Variants in VCL observed in about 807,000 individuals in gnomAD.
VCL encodes the protein epididymis luminal protein 114.
In VCL, 47 loss-of-function variants were observed where a neutral mutation model predicts 125.7. That is an observed-to-expected ratio of 0.37 (90% CI 0.30 to 0.48). The LOEUF is 0.48. VCL is among the 20% of genes least tolerant of loss of function. The probability of loss-of-function intolerance (pLI) is 0.99; values close to 1 mark genes in which losing one functional copy is unlikely to be tolerated. For synonymous variants in VCL, 458 were observed against 514.6 expected (o/e 0.89, Z 1.49); for missense variants, 1,069 against 1,455.5 (o/e 0.73, Z 4.32).
intron 1 of VCL, chr10:74,027,901 A>G (rs1326909931): frequency 6.6e-6 from 1 of 152,210 alleles, no homozygotes; most frequent in Non-Finnish European, 1.5e-5. Flanking sequence ...CTATGAGGGA[A>G]AAAAACAGTC....
intron 8 of VCL, 58 bp from the exon 9 acceptor site, chr10:74,089,138 T>C: frequency 1.2e-6 from 2 of 1,610,664 alleles, no homozygotes; most frequent in Non-Finnish European, 8.5e-7. Context: ...CTATTGGGAA[T>C]ATTTTGTCAT....
intron 10 of VCL, among the ~76,000 whole-genome samples, chr10:74,094,020 G>A (rs527948637): frequency 6.0e-4 from 92 of 152,168 alleles, no homozygotes; most frequent in Non-Finnish European, 1.2e-3. Context: ...ATTGAGCTCC[G>A]CTAACCAAAT....
At chr10:74,044,331 G>A (rs1408617204) in intron 2 of VCL, among the ~76,000 whole-genome samples, 1 of 152,014 alleles carries the variant, frequency 6.6e-6, no homozygotes, top group East Asian at 1.9e-4. Context: ...GTAAGCAAAA[G>A]TAAAAGCTGA....
intron 8 of VCL, among the ~76,000 whole-genome samples, chr10:74,087,876 C>T (rs1024708580): frequency 3.9e-5 from 6 of 151,970 alleles, no homozygotes; most frequent in African/African-American, 4.8e-5. Context: ...CTCGGGAGGC[C>T]GAGGCAGGAG....
intron 1 of VCL, among the ~76,000 whole-genome samples, chr10:74,042,656 C>T (rs1841116708): frequency 6.6e-6 from 1 of 152,162 alleles, no homozygotes; most frequent in African/African-American, 2.4e-5. Flanking sequence ...ATCATAATAG[C>T]TTCAAATATT....
intron 6 of VCL, chr10:74,076,232 C>G (rs1030782409): frequency 6.6e-6 from 1 of 152,498 alleles, no homozygotes; most frequent in African/African-American, 2.4e-5. Context: ...CTTGAATGTG[C>G]GTCAGAATGT....
At chr10:74,033,605 G>T (rs1840921394) in intron 1 of VCL, among the ~76,000 whole-genome samples, 1 of 152,128 alleles carries the variant, frequency 6.6e-6, no homozygotes, top group African/African-American at 2.4e-5. Context: ...TCACCAGCTT[G>T]TTCTTCCACC....
At chr10:74,042,081 G>A (rs762790466) in intron 1 of VCL, among the ~76,000 whole-genome samples, 24 of 152,104 alleles carry the variant, frequency 1.6e-4, no homozygotes, top group Non-Finnish European at 2.1e-4. Context: ...ATGTTCTTTC[G>A]GTGTTGTTGC....
At position 74,035,112 on chromosome 10, in the gene VCL, A is replaced by G. The variant is rs200108796; in HGVS notation, c.169-7971A>G. 8.5e-5 allele frequency among the ~76,000 whole-genome samples: 13 copies of G among 152,332 alleles called. No individual in the cohort carries two copies. The East Asian group carries it at 2.5e-3, about 29-fold the overall frequency. On this transcript the variant is annotated intron_variant, in intron 1 of 21. Coordinates refer to ENST00000211998, the MANE Select transcript of VCL (RefSeq NM_014000.3). ...GTAATGTTCTTTAGTTACGACTTAC[A>G]TTGTACAAATAAGTAACACAAGTCT...
intron 1 of VCL, among the ~76,000 whole-genome samples, chr10:74,038,688 C>A (rs1841032485): frequency 6.6e-6 from 1 of 152,190 alleles, no homozygotes; most frequent in South Asian, 2.1e-4. Context: ...CCTACTCCTA[C>A]TCTTACAAAG....
chr10:74,064,737 C>T (rs1051458187), intron 2 of VCL, among the ~76,000 whole-genome samples: 3 of 152,228 alleles, frequency 2.0e-5, no homozygotes, highest in Non-Finnish European at 4.4e-5. Context: ...TCAAAAGACA[C>T]TTTTAGGAAA....
chr10:74,080,831 G>A (rs1405788215), intron 6 of VCL, among the ~76,000 whole-genome samples: 2 of 152,182 alleles, frequency 1.3e-5, no homozygotes, highest in Non-Finnish European at 2.9e-5. Flanking sequence ...GTTAGGAGTT[G>A]CCTGGCCTCA....
At chr10:74,101,215 C>A in intron 14 of VCL, 118 bp downstream of exon 14, 1 of 1,386,284 alleles carries the variant, frequency 7.2e-7, no homozygotes. Context: ...TACAGGCCAG[C>A]ACGGTAGCAC....
intron 21 of VCL, among the ~76,000 whole-genome samples, chr10:74,116,150 A>G (rs1840307805): frequency 6.6e-6 from 1 of 152,220 alleles, no homozygotes; most frequent in South Asian, 2.1e-4. Flanking sequence ...ATAGTCTGAA[A>G]GAACAACTGT....
At chr10:74,013,506 A>G (rs566348236) in intron 1 of VCL, among the ~76,000 whole-genome samples, 1 of 152,192 alleles carries the variant, frequency 6.6e-6, no homozygotes, top group South Asian at 2.1e-4. Flanking sequence ...ATGAGTTAGC[A>G]AATACCAAAG....
At chr10:74,101,540 TA>T (rs1840056280) in intron 14 of VCL, among the ~76,000 whole-genome samples, 2 of 144,440 alleles carry the variant, frequency 1.4e-5, no homozygotes, top group African/African-American at 5.4e-5. Flanking sequence ...GACTATTTAT[TA>T]GTTTTTTTTT....
At chr10:74,111,182 T>C (rs1191644939) in intron 18 of VCL, among the ~76,000 whole-genome samples, 1 of 152,164 alleles carries the variant, frequency 6.6e-6, no homozygotes, top group Non-Finnish European at 1.5e-5. Flanking sequence ...GATGTGTGGG[T>C]GTTCCCTGAG....
In VCL at chr10:74,119,368, T is replaced by C. The variant is rs1344549155; in HGVS notation, c.*1199T>C. 1 of 152,228 alleles carries C rather than the reference T, an allele frequency of 6.6e-6. No individual in the cohort carries two copies. Among genetic ancestry groups the C allele is most frequent in the Non-Finnish European group, 1.5e-5 (1 of 68,040 alleles). The allele number at this position is 152,228 out of a possible 1,614,324, so 9.4% of individuals were successfully genotyped here. On this transcript the variant is annotated 3_prime_UTR_variant, in exon 22 of 22. Transcript: ENST00000211998. ...GGAGAGTGGTATTTGCAGACTAGAA[T>C]TCTAGTGCTGCTGAAGATGAATCAA...
At chr10:74,081,052 CTCT>C (rs1291875454) in intron 6 of VCL, among the ~76,000 whole-genome samples, 1 of 152,166 alleles carries the variant, frequency 6.6e-6, no homozygotes, top group Non-Finnish European at 1.5e-5. Flanking sequence ...GAAATAGATC[CTCT>C]TATGATTCTG....
Sources: allele counts gnomAD v4.1 joint callset (sites outside exome capture counted in the v4.1 genomes callset), GRCh38; gene constraint gnomAD v4.1.1; transcripts MANE v1.5; gene names NCBI Gene and HGNC (gene_info 2026-07-23, HGNC 2026-07-21).